PGBD5: variants seen among roughly 807,000 people sequenced by gnomAD.
The protein encoded by PGBD5 is piggyBac transposable element derived 5, also known as piggyBac transposable element-derived protein 5.
In PGBD5, 14 loss-of-function variants were observed where a neutral mutation model predicts 47.9. The ratio of observed to expected loss-of-function variants is 0.29; its 90% CI spans 0.19 to 0.46. PGBD5 has a LOEUF of 0.46. Among genes scored for constraint, PGBD5 ranks in the 20% least tolerant of loss-of-function variants. PGBD5 has a pLI of 1.00. For synonymous variants in PGBD5, 316 were observed against 306.3 expected, an observed-to-expected ratio of 1.03 and a Z score of -0.33; for missense variants, 635 against 716.0, an observed-to-expected ratio of 0.89 and a Z score of 1.29.
chr1:230,366,183 C>T (rs546879657), intron 1 of PGBD5, among the ~76,000 whole-genome samples: 1 of 152,326 alleles, frequency 6.6e-6, no homozygotes, highest in African/African-American at 2.4e-5. Context: ...CCAGGCTGCT[C>T]ATTAGAAAGC....
chr1:230,330,549 A>T (rs59937768), intron 5 of PGBD5, among the ~76,000 whole-genome samples: 14,340 of 152,208 alleles, frequency 0.094, 1,255 homozygotes, highest in African/African-American at 0.24. Flanking sequence ...AAAGAACTCT[A>T]AGATGTGAAC....
intron 2 of PGBD5, among the ~76,000 whole-genome samples, chr1:230,354,527 T>C (rs574465853): frequency 1.4e-3 from 218 of 152,350 alleles, no homozygotes; most frequent in African/African-American, 5.1e-3. Context: ...ATTTCATGTA[T>C]TCAATTTTTT....
At position 230,316,029 on chromosome 1, in the gene PGBD5, CAT is replaced by C. The variant is rs1666938041; in HGVS notation, c.*7394_*7395del. On this transcript the variant is annotated 3_prime_UTR_variant, in exon 7 of 7. Transcript: ENST00000391860. ...GTGTACACATATATGTATGTGTATACATACATAAGTATATGTGTACACATATA... is the reference window on the plus strand; with the variant it reads ...GTGTACACATATATGTATGTGTATACACATAAGTATATGTGTACACATATA... 1 of 134,316 alleles carries C rather than the reference CAT, an allele frequency of 7.4e-6. No homozygotes were observed. The highest frequency in any genetic ancestry group is 2.9e-5 in the African/African-American group (1 of 34,360). The allele number at this position is 134,316 out of a possible 1,614,324, so 8.3% of individuals were successfully genotyped here.
chr1:230,394,089 T>C (rs1656860526), intron 1 of PGBD5, among the ~76,000 whole-genome samples: 1 of 151,980 alleles, frequency 6.6e-6, no homozygotes, highest in Non-Finnish European at 1.5e-5. Flanking sequence ...CCACCCCATA[T>C]CCTATACTCA....
chr1:230,363,569 G>A (rs1452299553), intron 1 of PGBD5, among the ~76,000 whole-genome samples: 3 of 150,884 alleles, frequency 2.0e-5, no homozygotes, highest in Non-Finnish European at 4.4e-5. Flanking sequence ...GTGACAGAGC[G>A]AGACTCCATC....
At chr1:230,377,003 C>T (rs978522738) in intron 1 of PGBD5, among the ~76,000 whole-genome samples, 2 of 152,176 alleles carry the variant, frequency 1.3e-5, no homozygotes. Flanking sequence ...GGTCAGCTAG[C>T]AAGTAAGGGC....
At chr1:230,327,292 C>T (rs998585548) in intron 5 of PGBD5, among the ~76,000 whole-genome samples, 9 of 152,062 alleles carry the variant, frequency 5.9e-5, no homozygotes, top group Admixed American at 2.0e-4. Flanking sequence ...CAAAGTCAAA[C>T]GGGCATGTCC....
chr1:230,315,251 G>C lies in PGBD5; in HGVS notation c.*8174C>G, dbSNP rs1365802512. On this transcript the variant is annotated 3_prime_UTR_variant, in exon 7 of 7. Coordinates refer to ENST00000391860, the MANE Select transcript of PGBD5 (RefSeq NM_001258311.2). The stretch of plus-strand genomic sequence containing the variant: ...AACCAGCTGCCTCTAGTGGGAGACA[G>C]AGTAAAGGCAGAGGGGCCCCTCCTT... 6.6e-6 allele frequency: 1 copy of C among 152,252 alleles called. No individual in the cohort carries two copies. Among genetic ancestry groups the C allele is most frequent in the Non-Finnish European group, 1.5e-5 (1 of 68,130 alleles). 9.4% of individuals were successfully genotyped at this position (152,252 alleles called of 1,614,324 possible).
At chr1:230,369,316 G>A (rs905257454) in intron 1 of PGBD5, among the ~76,000 whole-genome samples, 2 of 152,234 alleles carry the variant, frequency 1.3e-5, no homozygotes, top group Admixed American at 6.5e-5. Context: ...CGAAATCCAC[G>A]TGGAGCCACA....
At chr1:230,404,040 A>G (rs1469454366) in intron 1 of PGBD5, among the ~76,000 whole-genome samples, 2 of 152,248 alleles carry the variant, frequency 1.3e-5, no homozygotes, top group South Asian at 2.1e-4. Context: ...AGGTGGGCAC[A>G]TAGGATTCTT....
rs754202314 is a variant in PGBD5 at position 230,325,426 on chromosome 1, G to C, written c.1274-11C>G. Reference sequence around the variant, plus strand: ...TTTTGATGATGACTCCTGAAGGCGAGAGACAAGATAAGCCCCTTCCTCAGC... The same window carrying C: ...TTTTGATGATGACTCCTGAAGGCGACAGACAAGATAAGCCCCTTCCTCAGC... On this transcript the variant is annotated splice_polypyrimidine_tract_variant and intron_variant, in intron 5 of 6. Coordinates refer to ENST00000391860, the MANE Select transcript of PGBD5 (RefSeq NM_001258311.2). The C allele has an allele frequency of 1.4e-5, 22 of 1,601,418 alleles. No homozygotes were observed. Among genetic ancestry groups the C allele is most frequent in the Non-Finnish European group, 1.8e-5 (21 of 1,170,014 alleles).
chr1:230,332,848 C>T lies in PGBD5; in HGVS notation c.1269G>A (p.Gln423=), dbSNP rs1326191607. Residue 423 remains glutamine (Q), a synonymous_variant, in exon 5 of 7, where the codon CAG becomes CAA. Coordinates refer to ENST00000391860, the MANE Select transcript of PGBD5 (RefSeq NM_001258311.2). ...RFLTNAYSPV[Q]QGVIIKRKSG... ...CAATGGCGGACCCGCACTCACCCTG[C>T]TGCACCGGGGAGTAGGCGTTGGTCA... is the stretch of plus-strand genomic sequence containing the variant. 2 of 1,614,178 alleles carry T rather than the reference C, an allele frequency of 1.2e-6. No homozygotes were observed. The highest frequency in any genetic ancestry group is 8.5e-7 in the Non-Finnish European group (1 of 1,179,998).
chr1:230,414,368 ACT>A (rs1410616877), intron 1 of PGBD5, among the ~76,000 whole-genome samples: 1 of 152,020 alleles, frequency 6.6e-6, no homozygotes, highest in Non-Finnish European at 1.5e-5. Context: ...TGGGGGCTGC[ACT>A]CTCTCAACTA....
intron 1 of PGBD5, among the ~76,000 whole-genome samples, chr1:230,424,529 C>G (rs1305662208): frequency 6.6e-6 from 1 of 152,230 alleles, no homozygotes; most frequent in Non-Finnish European, 1.5e-5. Context: ...GATCCAAGTC[C>G]AGGCACCAGC....
chr1:230,366,790 C>T (rs1054113756), intron 1 of PGBD5, among the ~76,000 whole-genome samples: 4 of 152,174 alleles, frequency 2.6e-5, no homozygotes, highest in East Asian at 1.9e-4. Flanking sequence ...ATCACACCCA[C>T]GACAGCATTG....
intron 5 of PGBD5, among the ~76,000 whole-genome samples, chr1:230,329,124 G>C (rs547769004): frequency 2.7e-5 from 4 of 150,758 alleles, no homozygotes; most frequent in African/African-American, 7.3e-5. Flanking sequence ...TTTTTTTTTG[G>C]GGGGGGAGGT....
intron 1 of PGBD5, among the ~76,000 whole-genome samples, chr1:230,398,532 G>A (rs957060874): frequency 1.3e-5 from 2 of 152,298 alleles, no homozygotes; most frequent in East Asian, 1.9e-4. Flanking sequence ...TTAGGACTTC[G>A]ACATATGAAT....
At chr1:230,394,817 G>A (rs1360531440) in intron 1 of PGBD5, among the ~76,000 whole-genome samples, 49 of 71,078 alleles carry the variant, frequency 6.9e-4, no homozygotes, top group African/African-American at 8.7e-4. Flanking sequence ...CTCTCCTCAC[G>A]CTCCTCCCTA....
intron 5 of PGBD5, among the ~76,000 whole-genome samples, chr1:230,329,035 T>A (rs1667167462): frequency 6.6e-6 from 1 of 151,882 alleles, no homozygotes; most frequent in African/African-American, 2.4e-5. Context: ...TGGGCTCAAG[T>A]GATCCTCCTG....
Sources: allele counts gnomAD v4.1 joint callset (sites outside exome capture counted in the v4.1 genomes callset), GRCh38; gene constraint gnomAD v4.1.1; transcripts MANE v1.5; gene names NCBI Gene and HGNC (gene_info 2026-07-23, HGNC 2026-07-21).